The following UGT1A3 variants were observed in gnomAD, a reference collection of about 807,000 sequenced individuals.
UGT1A3 encodes the protein UDP glucuronosyltransferase family 1 member A3.
Under a neutral mutation model 41.0 loss-of-function variants are expected in UGT1A3, and 31 were observed. That is an observed-to-expected ratio of 0.76 (90% CI 0.57 to 1.02). The LOEUF is 1.02. UGT1A3 is among the 50% of genes least tolerant of loss of function. The pLI is 0.00. For synonymous variants in UGT1A3, 262 were observed against 257.6 expected (o/e 1.02, Z -0.17); for missense variants, 737 against 671.0 (o/e 1.10, Z -1.09).
At position 233,768,257 on chromosome 2, in the gene UGT1A3, T is replaced by C. The variant is rs139698110; in HGVS notation, c.1125T>C (p.Gly375=). ...CCCGTGCCTTTATCACCCATGCTGG[T>C]TCCCATGGTGTTTATGAAAGCATAT... ...PMTRAFITHA[G]SHGVYESICN... is the part of the protein sequence containing the mutation. The change falls in exon 4 of 5, where the codon GGT becomes GGC. Residue 375 remains glycine, a synonymous_variant. Transcript: ENST00000482026. 1.8e-3 allele frequency: 2,975 copies of C among 1,614,198 alleles called. 7 individuals are homozygous for C. Among genetic ancestry groups the C allele is most frequent in the Non-Finnish European group, 2.4e-3 (2,868 of 1,180,032 alleles).
chr2:233,762,986 G>A (rs1271717565), intron 1 of UGT1A3, among the ~76,000 whole-genome samples: 1 of 152,018 alleles, frequency 6.6e-6, no homozygotes, highest in Non-Finnish European at 1.5e-5. Context: ...CTATTTTAGT[G>A]GAAATTGATT....
intron 1 of UGT1A3, chr2:233,747,720 G>C: frequency 6.2e-7 from 1 of 1,613,342 alleles, no homozygotes; most frequent in African/African-American, 1.3e-5. Flanking sequence ...AATTCCTGCT[G>C]TGTTTTTTTT....
intron 1 of UGT1A3, among the ~76,000 whole-genome samples, chr2:233,766,527 C>T (rs182363342): frequency 4.6e-5 from 7 of 152,118 alleles, no homozygotes; most frequent in Non-Finnish European, 7.3e-5. Context: ...AACATTTAGG[C>T]AGGAAAACAA....
intron 1 of UGT1A3, chr2:233,743,644 G>T (rs1317452521): frequency 1.5e-6 from 2 of 1,367,194 alleles, no homozygotes; most frequent in East Asian, 9.1e-5. Flanking sequence ...CGCGGAAGCT[G>T]AAGACGTACT....
chr2:233,759,959 G>A (rs149939396), intron 1 of UGT1A3, among the ~76,000 whole-genome samples: 41 of 152,230 alleles, frequency 2.7e-4, no homozygotes, highest in African/African-American at 8.9e-4. Context: ...CTACATAGTC[G>A]TCCTTCTTCC....
At chr2:233,742,213 CAGGGCTGAG>C (rs1691910007) in intron 1 of UGT1A3, among the ~76,000 whole-genome samples, 1 of 151,938 alleles carries the variant, frequency 6.6e-6, no homozygotes, top group Non-Finnish European at 1.5e-5. Context: ...TCACAGCCTT[CAGGGCTGAG>C]AGCCCCAAAC....
chr2:233,730,746 G>A (rs1030553021), intron 1 of UGT1A3, among the ~76,000 whole-genome samples: 3 of 152,110 alleles, frequency 2.0e-5, no homozygotes, highest in Non-Finnish European at 2.9e-5. Context: ...GGCTAGGGAG[G>A]AGATAAGACT....
chr2:233,756,708 CT>C (rs1473385409), intron 1 of UGT1A3, among the ~76,000 whole-genome samples: 11 of 152,108 alleles, frequency 7.2e-5, no homozygotes, highest in Non-Finnish European at 1.6e-4. Context: ...TTTGGGGGGA[CT>C]TTTTTTGAGA....
chr2:233,745,046 G>T (rs1021131728), intron 1 of UGT1A3, among the ~76,000 whole-genome samples: 1 of 151,780 alleles, frequency 6.6e-6, no homozygotes, highest in African/African-American at 2.4e-5. Flanking sequence ...TACAGTATTG[G>T]TTTTTTATTT....
rs1254411333 is a variant in UGT1A3 at position 233,772,451 on chromosome 2, C to T, written c.1497C>T (p.Val499=). ...SLDVIGFLLA[V]VLTVAFITFK... The stretch of plus-strand genomic sequence containing the variant: ...ACGTGATTGGTTTCCTCTTGGCCGT[C>T]GTGCTGACAGTGGCCTTCATCACCT... The change falls in exon 5 of 5, where the codon GTC becomes GTT. Residue 499 remains valine (V), a synonymous_variant. Transcript: ENST00000482026. 9 of 1,614,028 alleles carry T rather than the reference C, an allele frequency of 5.6e-6. No homozygotes were observed. The highest frequency in any genetic ancestry group is 1.1e-5 in the South Asian group (1 of 91,086).
chr2:233,763,825 C>A (rs564952155), intron 1 of UGT1A3, among the ~76,000 whole-genome samples: 1 of 152,266 alleles, frequency 6.6e-6, no homozygotes, highest in South Asian at 2.1e-4. Context: ...GATGTTCCTC[C>A]CCTGCCAGGG....
chr2:233,760,469 C>A (rs1273237448), intron 1 of UGT1A3: 1 of 1,614,210 alleles, frequency 6.2e-7, no homozygotes, highest in South Asian at 1.1e-5. Context: ...GTTGTCCTAG[C>A]ACCTGACGCC....
chr2:233,739,022 G>C (rs1690964112), intron 1 of UGT1A3: 1 of 152,290 alleles, frequency 6.6e-6, no homozygotes, highest in Non-Finnish European at 1.5e-5. Flanking sequence ...TCCAGCCATG[G>C]CTAAAAGGGG....
intron 1 of UGT1A3, among the ~76,000 whole-genome samples, chr2:233,757,562 G>GTATATATATATATATATATATATACATA (rs1491042837): frequency 2.2e-5 from 2 of 90,870 alleles, no homozygotes; most frequent in African/African-American, 1.0e-4. Flanking sequence ...ATATATATAT[G>GTATATATATATATATATATATATACATA]TATATATGAT....
At position 233,767,068 on chromosome 2, in the gene UGT1A3, A is replaced by G. The variant is rs1055696021; in HGVS notation, c.902A>G (p.His301Arg). 45 of 1,614,026 alleles carry G rather than the reference A, an allele frequency of 2.8e-5. No individual in the cohort carries two copies. Among genetic ancestry groups the G allele is most frequent in the Non-Finnish European group, 3.6e-5 (43 of 1,180,024 alleles). The change falls in exon 2 of 5, where the codon CAT becomes CGT. Residue 301 changes from histidine to arginine, a missense_variant. Physicochemically the swap from His to Arg is conservative, Grantham distance 29. Coordinates refer to ENST00000482026, the MANE Select transcript of UGT1A3 (RefSeq NM_019093.4). ...GCCTACATTAATGCTTCTGGAGAAC[A>G]TGGAATTGTGGTTTTCTCTTTGGGA... Reference protein sequence around the residue: ...FEAYINASGEHGIVVFSLGSM... With the variant: ...FEAYINASGERGIVVFSLGSM...
In UGT1A3 at chr2:233,755,308, G is replaced by A. The variant is rs1306203724; in HGVS notation, c.868-11726G>A. The A allele has an allele frequency of 1.8e-5, 10 of 564,374 alleles. No individual in the cohort carries two copies. The Admixed American group carries it at 2.0e-4, about 11-fold the overall frequency. The allele number at this position is 564,374 out of a possible 1,614,324, so 35.0% of individuals were successfully genotyped here. A position where few individuals can be genotyped will look rare whatever the true frequency, so the allele number is the denominator to read the frequency against. On this transcript the variant is annotated intron_variant, in intron 1 of 4. Coordinates refer to ENST00000482026, the MANE Select transcript of UGT1A3 (RefSeq NM_019093.4). ...AGAGCCTGCGGGGCACTGGCACAGCGAGCGGCAAGGCTGCCAGCACCCGCG... is the reference window on the plus strand; with the variant it reads ...AGAGCCTGCGGGGCACTGGCACAGCAAGCGGCAAGGCTGCCAGCACCCGCG...
intron 1 of UGT1A3, among the ~76,000 whole-genome samples, chr2:233,735,070 G>A (rs572214554): frequency 1.3e-5 from 2 of 152,256 alleles, no homozygotes; most frequent in East Asian, 1.9e-4. Context: ...GGATATCCTT[G>A]TTAACCTTTG....
rs34946247 is a variant in UGT1A3 at position 233,761,682 on chromosome 2, A to G, written c.868-5352A>G. Among the ~76,000 whole-genome samples, 259 of 152,380 alleles carry G rather than the reference A, an allele frequency of 1.7e-3. 1 individual carries two copies. The highest frequency in any genetic ancestry group is 5.9e-3 in the African/African-American group (244 of 41,588). On this transcript the variant is annotated intron_variant, in intron 1 of 4. Coordinates refer to ENST00000482026, the MANE Select transcript of UGT1A3 (RefSeq NM_019093.4). Reference sequence around the variant, plus strand: ...AATCACCAGACAGTCAGGTTCTGACATGATACAGAAAGGTTGTAGGTTTCA... The same window carrying G: ...AATCACCAGACAGTCAGGTTCTGACGTGATACAGAAAGGTTGTAGGTTTCA...
At position 233,755,271 on chromosome 2, in the gene UGT1A3, C is replaced by T. The variant is rs549656252; in HGVS notation, c.868-11763C>T. ...CAGCACCTCGTAGTAGTCCACTATGCTGGACTGCCAAAGAGCCTGCGGGGC... is the reference window on the plus strand; with the variant it reads ...CAGCACCTCGTAGTAGTCCACTATGTTGGACTGCCAAAGAGCCTGCGGGGC... On this transcript the variant is annotated intron_variant, in intron 1 of 4. Transcript: ENST00000482026. The T allele has an allele frequency of 4.5e-5, 34 of 755,818 alleles. No individual in the cohort carries two copies. In the African/African-American group the frequency reaches 6.1e-4, roughly 13 times the overall value. 46.8% of individuals were successfully genotyped at this position (755,818 alleles called of 1,614,324 possible). A position where few individuals can be genotyped will look rare whatever the true frequency, so the allele number is the denominator to read the frequency against.
Sources: gnomAD v4.1 joint callset for allele counts (sites outside exome capture counted in the v4.1 genomes callset) on GRCh38, gnomAD v4.1.1 for gene constraint, MANE v1.5 for transcripts, NCBI Gene and HGNC (gene_info 2026-07-23, HGNC 2026-07-21) for gene names.